Variants in RNF43 observed in about 807,000 individuals in gnomAD.
RNF43 encodes the protein ring finger protein 43, also known as E3 ubiquitin-protein ligase RNF43.
Under a neutral mutation model 78.4 loss-of-function variants are expected in RNF43, and 37 were observed. The observed-to-expected ratio is 0.47, with a 90% confidence interval of 0.36 to 0.62. RNF43 has a LOEUF of 0.62. Ranked by LOEUF, RNF43 falls within the 20% of genes least tolerant of loss-of-function variation. The probability of loss-of-function intolerance (pLI) is 0.00; values close to 1 mark genes in which losing one functional copy is unlikely to be tolerated. For synonymous variants in RNF43, 347 were observed against 395.0 expected (o/e 0.88, Z 1.44); for missense variants, 774 against 1,007.9 (o/e 0.77, Z 3.14).
At chr17:58,380,699 C>T (rs958980437) in intron 2 of RNF43, among the ~76,000 whole-genome samples, 1 of 152,222 alleles carries the variant, frequency 6.6e-6, no homozygotes, top group African/African-American at 2.4e-5. Context: ...ACGCCAGAGG[C>T]CCATCTGGAC....
chr17:58,356,131 C>T (rs1161464874), intron 9 of RNF43, among the ~76,000 whole-genome samples: 1 of 152,176 alleles, frequency 6.6e-6, no homozygotes, highest in Non-Finnish European at 1.5e-5. Flanking sequence ...GTACATGGCT[C>T]TCTCCCCATG....
intron 9 of RNF43, among the ~76,000 whole-genome samples, 165 bp from the exon 10 acceptor site, chr17:58,355,151 A>T (rs1245294932): frequency 6.6e-6 from 1 of 152,240 alleles, no homozygotes; most frequent in Non-Finnish European, 1.5e-5. Context: ...CCCAGTTGGG[A>T]CACAGGGGAG....
chr17:58,376,043 G>A (rs1230083642), intron 2 of RNF43, among the ~76,000 whole-genome samples: 1 of 152,096 alleles, frequency 6.6e-6, no homozygotes. Context: ...TCTGGAGCCA[G>A]TGTGAGGGGC....
intron 2 of RNF43, among the ~76,000 whole-genome samples, chr17:58,405,758 GAAAGAAAA>G (rs1235212320): frequency 6.9e-4 from 101 of 147,290 alleles, no homozygotes; most frequent in African/African-American, 2.4e-3. Context: ...AAGAAAGAAA[GAAAGAAAA>G]AGAGAAAATA....
Position 58,362,595 on chromosome 17 carries a change from G to C in RNF43, c.636C>G (p.Ile212Met), listed in dbSNP as rs1384415621. The C allele has an allele frequency of 3.7e-6, 6 of 1,612,272 alleles. No homozygotes were observed. The highest frequency in any genetic ancestry group is 5.1e-6 in the Non-Finnish European group (6 of 1,179,154). The stretch of plus-strand genomic sequence containing the variant: ...GGATGCGCAGCACCGAAGCCAGGAT[G>C]ATCACAAAGATGGTGCCCACCACTG... The part of the protein sequence containing the change: ...LMTVVGTIFV[I>M]ILASVLRIRC... The change falls in exon 6 of 10, where the codon ATC (isoleucine) becomes ATG (methionine). Residue 212 changes from isoleucine (I) to methionine (M), a missense_variant. Physicochemically the swap from Ile to Met is conservative, Grantham distance 10. Coordinates refer to ENST00000407977, the MANE Select transcript of RNF43 (RefSeq NM_017763.6).
intron 2 of RNF43, among the ~76,000 whole-genome samples, chr17:58,377,518 T>C (rs1472852548): frequency 6.6e-6 from 1 of 152,138 alleles, no homozygotes; most frequent in Non-Finnish European, 1.5e-5. Flanking sequence ...CCATGTGATC[T>C]CATTACCTCC....
chr17:58,376,668 C>T (rs964285973), intron 2 of RNF43, among the ~76,000 whole-genome samples: 3 of 152,280 alleles, frequency 2.0e-5, no homozygotes, highest in South Asian at 4.2e-4. Context: ...ACATCTGTCT[C>T]CTTGGAATGC....
At chr17:58,415,099 T>C (rs1974096066) in intron 2 of RNF43, among the ~76,000 whole-genome samples, 1 of 152,098 alleles carries the variant, frequency 6.6e-6, no homozygotes, top group South Asian at 2.1e-4. Flanking sequence ...GCAACACCAG[T>C]TTAAAATAAG....
chr17:58,368,084 A>C (rs1972993845), intron 3 of RNF43, among the ~76,000 whole-genome samples: 1 of 152,244 alleles, frequency 6.6e-6, no homozygotes, highest in African/African-American at 2.4e-5. Flanking sequence ...CTGCAAGCCC[A>C]GGGCTATCTG....
At chr17:58,369,093 GCACA>G (rs151337733) in intron 3 of RNF43, among the ~76,000 whole-genome samples, 1 of 144,522 alleles carries the variant, frequency 6.9e-6, no homozygotes. Flanking sequence ...ACACACACAC[GCACA>G]CACACACACA....
chr17:58,389,367 T>C (rs1282325640), intron 2 of RNF43, among the ~76,000 whole-genome samples: 2 of 152,012 alleles, frequency 1.3e-5, no homozygotes, highest in Non-Finnish European at 2.9e-5. Context: ...AAAGCTAGAG[T>C]AGGGAAAATT....
chr17:58,362,790 G>A, intron 5 of RNF43, 142 bp from the exon 6 acceptor site: 1 of 595,710 alleles, frequency 1.7e-6, no homozygotes, highest in Non-Finnish European at 2.9e-6. Flanking sequence ...AGAGGAACCT[G>A]CAAGTGGGAT....
chr17:58,415,365 A>G lies in RNF43; in HGVS notation c.213T>C (p.Gly71=). Residue 71 remains glycine (G), a synonymous_variant, in exon 2 of 10, where the codon GGT becomes GGC. Coordinates refer to ENST00000407977, the MANE Select transcript of RNF43 (RefSeq NM_017763.6). ...CTTCTGCTGGAGTTATTTCAGCAAC[A>G]CCAGCAAACACACCTTCCAAAGTGA... ...LNLTLEGVFA[G]VAEITPAEGK... 6.2e-7 allele frequency: 1 copy of G among 1,614,204 alleles called. No individual in the cohort carries two copies. The highest frequency in any genetic ancestry group is 8.5e-7 in the Non-Finnish European group (1 of 1,179,978).
chr17:58,378,142 CT>C (rs1244932757), intron 2 of RNF43, among the ~76,000 whole-genome samples: 1 of 152,190 alleles, frequency 6.6e-6, no homozygotes, highest in Admixed American at 6.5e-5. Context: ...ACCTCAAGAC[CT>C]CTTTCAAAAC....
chr17:58,398,993 C>T lies in RNF43; in HGVS notation c.252+16333G>A, dbSNP rs1666492672. 3.3e-5 allele frequency among the ~76,000 whole-genome samples: 5 copies of T among 152,284 alleles called. No homozygotes were observed. In the South Asian group the frequency reaches 1.0e-3, roughly 32 times the overall value. Reference sequence around the variant, plus strand: ...AAACCAATAAAAAGGAAAATGTTTGCCCTTCTCCAGGTCCTCCCCACGCCC... The same window carrying T: ...AAACCAATAAAAAGGAAAATGTTTGTCCTTCTCCAGGTCCTCCCCACGCCC... On this transcript the variant is annotated intron_variant, in intron 2 of 9. Transcript: ENST00000407977.
At position 58,360,327 on chromosome 17, in the gene RNF43, C is replaced by A. The variant is rs1003979825; in HGVS notation, c.850-76G>T. On this transcript the variant is annotated intron_variant, in intron 7 of 9. Transcript: ENST00000407977. The surrounding 1 kb of genome is among the most constrained non-coding windows in gnomAD (Gnocchi z 4.3). ...TGCCAGGAATCAGGACATCCCCCAA[C>A]TCCCTTAGGCCTCTCCTTGCTATTA... The A allele has an allele frequency of 4.9e-6, 5 of 1,027,236 alleles. No individual in the cohort carries two copies. Among genetic ancestry groups the A allele is most frequent in the Non-Finnish European group, 7.7e-6 (5 of 652,792 alleles). The allele number at this position is 1,027,236 out of a possible 1,614,324, so 63.6% of individuals were successfully genotyped here.
At chr17:58,387,717 A>G (rs1443364648) in intron 2 of RNF43, among the ~76,000 whole-genome samples, 1 of 152,178 alleles carries the variant, frequency 6.6e-6, no homozygotes, top group East Asian at 1.9e-4. Flanking sequence ...CTACTATTAG[A>G]TTGACAATGA....
chr17:58,394,849 T>G lies in RNF43; in HGVS notation c.252+20477A>C, dbSNP rs575263901. ...CAGCTGTGTCTTTGAACTTTAGGAC[T>G]TTTGGGGTGGGTGGGAAATAGCCCT... On this transcript the variant is annotated intron_variant, in intron 2 of 9. Transcript: ENST00000407977. The G allele has an allele frequency of 4.6e-5, 7 of 152,292 alleles. 1 individual carries two copies. In the South Asian group the frequency reaches 1.5e-3, roughly 32 times the overall value. The allele number at this position is 152,292 out of a possible 1,614,324, so 9.4% of individuals were successfully genotyped here.
chr17:58,396,728 C>T (rs1032760646), intron 2 of RNF43, among the ~76,000 whole-genome samples: 10 of 152,006 alleles, frequency 6.6e-5, no homozygotes, highest in African/African-American at 2.4e-4. Flanking sequence ...AGAATATTCT[C>T]TCTATAGAAT....
Sources: gnomAD v4.1 joint callset for allele counts (sites outside exome capture counted in the v4.1 genomes callset) on GRCh38, gnomAD v4.1.1 for gene constraint, Gnocchi (gnomAD v3.1) non-coding constraint, MANE v1.5 for transcripts, NCBI Gene and HGNC (gene_info 2026-07-23, HGNC 2026-07-21) for gene names.